The following LRPPRC variants were observed in gnomAD, a reference collection of about 807,000 sequenced individuals.
LRPPRC encodes leucine-rich PPR motif-containing protein, mitochondrial.
LRPPRC carries 120 observed loss-of-function variants against 180.3 expected under a neutral mutation model. The observed-to-expected ratio is 0.67, with a 90% CI of 0.57 to 0.77. The LOEUF (loss-of-function observed/expected upper bound fraction) is 0.77. LRPPRC is among the 30% of genes least tolerant of loss of function. The pLI is 0.00. For synonymous variants in LRPPRC, 723 were observed against 600.0 expected, an observed-to-expected ratio of 1.21 and a Z score of -3.00; for missense variants, 2,012 against 1,657.2, an observed-to-expected ratio of 1.21 and a Z score of -3.72.
At chr2:43,945,941 T>C (rs1262690585) in intron 21 of LRPPRC, among the ~76,000 whole-genome samples, 172 bp downstream of exon 21, 2 of 136,020 alleles carry the variant, frequency 1.5e-5, no homozygotes, top group Non-Finnish European at 3.1e-5. Flanking sequence ...TTGCTGAACA[T>C]AAGCCACAAT....
At chr2:43,960,914 G>A (rs1673321744) in intron 12 of LRPPRC, among the ~76,000 whole-genome samples, 1 of 152,098 alleles carries the variant, frequency 6.6e-6, no homozygotes, top group South Asian at 2.1e-4. Context: ...TCCCATTCAA[G>A]ACAAAACAAA....
At chr2:43,916,680 G>T (rs960468950) in intron 29 of LRPPRC, among the ~76,000 whole-genome samples, 6 of 152,030 alleles carry the variant, frequency 3.9e-5, no homozygotes, top group Admixed American at 3.3e-4. Context: ...CAGGTTGGGG[G>T]TGGTGGCTCA....
chr2:43,976,108 T>C (rs1341539118), intron 6 of LRPPRC, 35 bp downstream of exon 6: 12 of 1,256,834 alleles, frequency 9.5e-6, no homozygotes, highest in Non-Finnish European at 5.9e-6. Flanking sequence ...CAGCCATCTA[T>C]CACTTAAGAA....
intron 19 of LRPPRC, 133 bp from the exon 20 acceptor site, chr2:43,947,503 T>C: frequency 1.5e-6 from 1 of 663,812 alleles, no homozygotes; most frequent in Non-Finnish European, 2.7e-6. Context: ...GGATATTAAT[T>C]GGGGAATCCA....
At chr2:43,932,593 T>C (rs1044217842) in intron 25 of LRPPRC, among the ~76,000 whole-genome samples, 1 of 152,142 alleles carries the variant, frequency 6.6e-6, no homozygotes, top group Non-Finnish European at 1.5e-5. Context: ...GGCAAACATG[T>C]ACCTTATGCT....
intron 25 of LRPPRC, among the ~76,000 whole-genome samples, chr2:43,933,047 G>A (rs372506180): frequency 1.1e-4 from 17 of 152,262 alleles, no homozygotes; most frequent in African/African-American, 4.1e-4. Context: ...TTTCAGAAGC[G>A]AATGTGGAAG....
rs200717939 is a variant in LRPPRC at position 43,948,880 on chromosome 2, T to C, written c.1736-362A>G. On this transcript the variant is annotated intron_variant, in intron 16 of 37. Coordinates refer to ENST00000260665, the MANE Select transcript of LRPPRC (RefSeq NM_133259.4). ...AAATGTCTTGTACACATTTCTATAC[T>C]GTTTTTTTTTTGTGGACAATATTTA... 5.3e-5 allele frequency among the ~76,000 whole-genome samples: 8 copies of C among 151,944 alleles called. No individual in the cohort carries two copies. The East Asian group carries it at 7.7e-4, about 15-fold the overall frequency.
At chr2:43,924,610 TATA>T (rs561293181) in intron 27 of LRPPRC, among the ~76,000 whole-genome samples, 73 of 152,268 alleles carry the variant, frequency 4.8e-4, no homozygotes, top group African/African-American at 1.2e-3. Flanking sequence ...CTCAAAAATA[TATA>T]ATGACATTTA....
chr2:43,906,231 G>A (rs189437552), intron 30 of LRPPRC, among the ~76,000 whole-genome samples: 1 of 152,078 alleles, frequency 6.6e-6, no homozygotes, highest in African/African-American at 2.4e-5. Context: ...AACTAAAGCA[G>A]ATTACTAACA....
At chr2:43,986,962 T>C (rs1440646573) in intron 1 of LRPPRC, among the ~76,000 whole-genome samples, 4 of 152,172 alleles carry the variant, frequency 2.6e-5, no homozygotes, top group Admixed American at 1.3e-4. Context: ...ATGTAGAAAA[T>C]GGGGAACTCA....
chr2:43,966,238 G>A (rs972251103), intron 11 of LRPPRC, among the ~76,000 whole-genome samples: 1 of 151,172 alleles, frequency 6.6e-6, no homozygotes. Context: ...ACTTATATAT[G>A]GAATCTACTA....
intron 12 of LRPPRC, 72 bp downstream of exon 12, chr2:43,963,516 G>C: frequency 1.1e-6 from 1 of 951,720 alleles, no homozygotes; most frequent in Non-Finnish European, 1.7e-6. Flanking sequence ...ACTTTTTTGT[G>C]TGTCAACACT....
intron 3 of LRPPRC, among the ~76,000 whole-genome samples, chr2:43,978,831 G>A (rs1674173437): frequency 6.6e-6 from 1 of 151,912 alleles, no homozygotes; most frequent in Admixed American, 6.6e-5. Flanking sequence ...TACTTTCTTG[G>A]ATTCTTTTCT....
chr2:43,905,767 T>C lies in LRPPRC; in HGVS notation c.3289A>G (p.Ile1097Val), dbSNP rs765040540. 1.9e-6 allele frequency: 3 copies of C among 1,610,958 alleles called. No homozygotes were observed. Among genetic ancestry groups the C allele is most frequent in the South Asian group, 1.1e-5 (1 of 91,030 alleles). ...MEVKAFAETH[I>V]KGFTLNDAAN... ...GCATCGTTCAGTGTGAAGCCCTTGA[T>C]GTGGGTCTCCGCGCTAAAAGAAGCA... is the stretch of plus-strand genomic sequence containing the variant. Residue 1097 changes from isoleucine (I) to valine (V), a missense_variant, in exon 31 of 38, where the codon ATC becomes GTC. Transcript: ENST00000260665.
chr2:43,918,897 T>C (rs1671592374), intron 27 of LRPPRC, among the ~76,000 whole-genome samples: 1 of 150,482 alleles, frequency 6.6e-6, no homozygotes, highest in Non-Finnish European at 1.5e-5. Context: ...TATGCCACCA[T>C]ATACATACAT....
chr2:43,920,105 T>TA (rs1391019494), intron 27 of LRPPRC, among the ~76,000 whole-genome samples: 6 of 144,658 alleles, frequency 4.1e-5, no homozygotes, highest in African/African-American at 7.7e-5. Context: ...AAAAAAAACT[T>TA]AGAGAAATTC....
rs1673952425 is a variant in LRPPRC at position 43,974,293 on chromosome 2, C to T, written c.1012G>A (p.Ala338Thr). The stretch of plus-strand genomic sequence containing the variant: ...ACTAAAAGTAAAATGAGGTTCATTG[C>T]ATCTGGGAAGAAAACAAAGACATCT... ...VTCERRYIPD[A>T]MNLILLLVTE... The change falls in exon 9 of 38, where the codon GCA (alanine) becomes ACA (threonine). Residue 338 changes from alanine to threonine, a missense_variant and splice_region_variant. Coordinates refer to ENST00000260665, the MANE Select transcript of LRPPRC (RefSeq NM_133259.4). The T allele has an allele frequency of 6.2e-7, 1 of 1,609,568 alleles. No homozygotes were observed. Among genetic ancestry groups the T allele is most frequent in the Non-Finnish European group, 8.5e-7 (1 of 1,176,000 alleles).
intron 1 of LRPPRC, among the ~76,000 whole-genome samples, chr2:43,985,813 G>T (rs912728099): frequency 6.6e-5 from 10 of 152,194 alleles, no homozygotes; most frequent in African/African-American, 2.4e-4. Flanking sequence ...GTTTTGGTAT[G>T]GACATGCATT....
intron 2 of LRPPRC, among the ~76,000 whole-genome samples, 165 bp downstream of exon 2, chr2:43,982,073 A>G (rs546556164): frequency 6.6e-6 from 1 of 152,060 alleles, no homozygotes; most frequent in Non-Finnish European, 1.5e-5. Flanking sequence ...ATGCCTGGCT[A>G]ATTTTTGTAT....
Sources: allele counts gnomAD v4.1 joint callset (sites outside exome capture counted in the v4.1 genomes callset), GRCh38; gene constraint gnomAD v4.1.1; transcripts MANE v1.5; gene names NCBI Gene and HGNC (gene_info 2026-07-23, HGNC 2026-07-21).